MRTFA: variants seen among roughly 807,000 people sequenced by gnomAD.
The protein encoded by MRTFA is myocardin related transcription factor A.
A neutral mutation model predicts 83.5 loss-of-function variants in MRTFA; 20 were observed. The observed-to-expected ratio is 0.24, with a 90% CI of 0.17 to 0.35. The LOEUF is 0.35. Among genes scored for constraint, MRTFA ranks in the 10% least tolerant of loss-of-function variants. The pLI, the probability that MRTFA is intolerant of heterozygous loss-of-function variation, is 1.00. For missense variants in MRTFA, 1,200 were observed against 1,224.7 expected (o/e 0.98, Z 0.30); for synonymous variants, 659 against 541.2 (o/e 1.22, Z -3.02).
Position 40,495,939 on chromosome 22 carries a change from G to A in MRTFA, c.242-32653C>T, listed in dbSNP as rs370375032. On this transcript the variant is annotated intron_variant, in intron 3 of 14. Coordinates refer to ENST00000355630, the MANE Select transcript of MRTFA (RefSeq NM_020831.6). ...AAGTTAGCCGGGTGTGGTGGCACAC[G>A]CCTGTAATCCCAGCTACTCGGGAGG... Among the ~76,000 whole-genome samples, 5 of 151,532 alleles carry A rather than the reference G, an allele frequency of 3.3e-5. No individual in the cohort carries two copies. The South Asian group carries it at 8.4e-4, about 25-fold the overall frequency.
At chr22:40,547,795 C>T (rs1216685588) in intron 3 of MRTFA, among the ~76,000 whole-genome samples, 2 of 148,900 alleles carry the variant, frequency 1.3e-5, no homozygotes, top group Non-Finnish European at 3.0e-5. Context: ...CAGAGGTTGC[C>T]GTGAGCTGAG....
chr22:40,485,455 A>C (rs2054160181), intron 3 of MRTFA, among the ~76,000 whole-genome samples: 1 of 152,132 alleles, frequency 6.6e-6, no homozygotes, highest in Admixed American at 6.6e-5. Context: ...AGGAGACTCC[A>C]ATGGTGTGTG....
At chr22:40,495,799 G>A (rs1282974761) in intron 3 of MRTFA, among the ~76,000 whole-genome samples, 1 of 150,392 alleles carries the variant, frequency 6.6e-6, no homozygotes, top group South Asian at 2.1e-4. Context: ...GCTGGGTGCA[G>A]TGGCTCATGC....
chr22:40,487,023 C>G (rs990414824), intron 3 of MRTFA, among the ~76,000 whole-genome samples: 1 of 152,164 alleles, frequency 6.6e-6, no homozygotes, highest in African/African-American at 2.4e-5. Flanking sequence ...AAAATAAATT[C>G]ACTACACAAG....
intron 2 of MRTFA, among the ~76,000 whole-genome samples, chr22:40,582,884 G>T (rs958841371): frequency 6.6e-6 from 1 of 152,190 alleles, no homozygotes; most frequent in Middle Eastern, 3.4e-3. Context: ...CTTTCTGTAT[G>T]AAAAAAAGGC....
At chr22:40,529,490 T>C (rs1204674249) in intron 3 of MRTFA, among the ~76,000 whole-genome samples, 7 of 152,088 alleles carry the variant, frequency 4.6e-5, no homozygotes, top group African/African-American at 1.7e-4. Context: ...CTAACTTTTG[T>C]ATTTTTAGTA....
intron 1 of MRTFA, among the ~76,000 whole-genome samples, chr22:40,605,524 A>C (rs768621147): frequency 6.6e-6 from 1 of 152,208 alleles, no homozygotes; most frequent in African/African-American, 2.4e-5. Flanking sequence ...ATATTATTCT[A>C]AGCACAATGG....
intron 2 of MRTFA, among the ~76,000 whole-genome samples, chr22:40,574,173 C>T (rs993149544): frequency 6.6e-6 from 1 of 152,094 alleles, no homozygotes; most frequent in African/African-American, 2.4e-5. Flanking sequence ...GCTAAGGTGC[C>T]AGCAGTCTTA....
intron 3 of MRTFA, among the ~76,000 whole-genome samples, chr22:40,517,395 G>A (rs1006292822): frequency 3.9e-5 from 6 of 152,138 alleles, no homozygotes; most frequent in African/African-American, 1.4e-4. Context: ...AGTTAGAACA[G>A]CCTATCAACA....
intron 3 of MRTFA, among the ~76,000 whole-genome samples, chr22:40,474,941 C>A (rs995076849): frequency 2.6e-5 from 4 of 152,098 alleles, no homozygotes; most frequent in Non-Finnish European, 5.9e-5. Flanking sequence ...CAGGTTCAAG[C>A]TATTCTCCTG....
At chr22:40,484,536 A>G (rs2054143440) in intron 3 of MRTFA, among the ~76,000 whole-genome samples, 1 of 152,210 alleles carries the variant, frequency 6.6e-6, no homozygotes, top group South Asian at 2.1e-4. Context: ...AGTTCATGTT[A>G]TAAGTACCGC....
chr22:40,499,901 T>G (rs1396521462), intron 3 of MRTFA, among the ~76,000 whole-genome samples: 1 of 150,364 alleles, frequency 6.7e-6, no homozygotes, highest in Non-Finnish European at 1.5e-5. Context: ...CTGGACAAGA[T>G]TTTCAAGTAG....
At chr22:40,597,615 T>C (rs181985005) in intron 1 of MRTFA, among the ~76,000 whole-genome samples, 8 of 152,300 alleles carry the variant, frequency 5.3e-5, no homozygotes, top group Admixed American at 2.6e-4. Flanking sequence ...GCTTTCCATA[T>C]GGTAGGAGTT....
At chr22:40,419,716 C>G (rs1252479527) in intron 11 of MRTFA, among the ~76,000 whole-genome samples, 1 of 152,186 alleles carries the variant, frequency 6.6e-6, no homozygotes, top group African/African-American at 2.4e-5. Context: ...CTGTATTTTG[C>G]AAAGAGAAAA....
chr22:40,615,313 T>A (rs2147421394), intron 1 of MRTFA, among the ~76,000 whole-genome samples: 1 of 152,364 alleles, frequency 6.6e-6, no homozygotes, highest in East Asian at 1.9e-4. Context: ...TATGTATGTA[T>A]CTATTTCTGG....
chr22:40,546,611 G>A (rs2055368567), intron 3 of MRTFA, among the ~76,000 whole-genome samples: 1 of 152,206 alleles, frequency 6.6e-6, no homozygotes, highest in African/African-American at 2.4e-5. Flanking sequence ...TTGAGTCTCT[G>A]GGATATGAGA....
intron 3 of MRTFA, among the ~76,000 whole-genome samples, chr22:40,518,831 G>C (rs184756663): frequency 3.2e-4 from 47 of 146,018 alleles, no homozygotes; most frequent in African/African-American, 1.1e-3. Context: ...ACCAGTGTCT[G>C]TCTTTCCTCT....
chr22:40,525,190 G>T (rs2054945544), intron 3 of MRTFA, among the ~76,000 whole-genome samples: 1 of 152,050 alleles, frequency 6.6e-6, no homozygotes, highest in Non-Finnish European at 1.5e-5. Context: ...CCAAAAGATG[G>T]AAAAAATATA....
intron 3 of MRTFA, among the ~76,000 whole-genome samples, chr22:40,497,065 C>T (rs2054367473): frequency 6.6e-6 from 1 of 152,188 alleles, no homozygotes; most frequent in African/African-American, 2.4e-5. Flanking sequence ...AGGTGAAACA[C>T]CTGCCCAAAT....
Sources: allele counts gnomAD v4.1 joint callset (sites outside exome capture counted in the v4.1 genomes callset), GRCh38; gene constraint gnomAD v4.1.1; transcripts MANE v1.5; gene names NCBI Gene and HGNC (gene_info 2026-07-23, HGNC 2026-07-21).